The following CNTN5 variants were observed in gnomAD, a reference collection of about 807,000 sequenced individuals.
CNTN5 encodes the protein contactin 5, also known as contactin-5.
A neutral mutation model predicts 129.1 loss-of-function variants in CNTN5; 77 were observed. The ratio of observed to expected loss-of-function variants is 0.60; its 90% CI spans 0.50 to 0.72. The LOEUF (loss-of-function observed/expected upper bound fraction) is 0.72. CNTN5 is among the 30% of genes least tolerant of loss of function. CNTN5 has a pLI of 0.00. For synonymous variants in CNTN5, 509 were observed against 465.6 expected (o/e 1.09, Z -1.20); for missense variants, 1,478 against 1,328.8 (o/e 1.11, Z -1.75).
chr11:99,402,956 T>G (rs1941887213), intron 2 of CNTN5, among the ~76,000 whole-genome samples: 2 of 151,636 alleles, frequency 1.3e-5, no homozygotes, highest in African/African-American at 4.8e-5. Flanking sequence ...TAATCTTTCC[T>G]TTTTTTTTTC....
intron 2 of CNTN5, among the ~76,000 whole-genome samples, chr11:99,395,040 C>T (rs754381037): frequency 5.9e-5 from 9 of 151,750 alleles, no homozygotes; most frequent in South Asian, 2.1e-4. Flanking sequence ...GATTTATATT[C>T]CTTTGGGTAT....
chr11:100,319,143 TTTTTC>T (rs1008114543), intron 21 of CNTN5, among the ~76,000 whole-genome samples: 5 of 150,432 alleles, frequency 3.3e-5, no homozygotes, highest in African/African-American at 7.3e-5. Flanking sequence ...TTCTGTTTTC[TTTTTC>T]TTTTCTTTTT....
At chr11:99,438,361 G>A (rs1943681690) in intron 2 of CNTN5, among the ~76,000 whole-genome samples, 1 of 152,072 alleles carries the variant, frequency 6.6e-6, no homozygotes, top group Non-Finnish European at 1.5e-5. Flanking sequence ...ATGTTCAAGT[G>A]ATGACTATAT....
At chr11:100,061,430 C>A in intron 10 of CNTN5, 37 bp downstream of exon 10, 1 of 1,416,952 alleles carries the variant, frequency 7.1e-7, no homozygotes, top group South Asian at 1.5e-5. Context: ...GCTCTAGTCC[C>A]AAAAGTCAAA....
chr11:100,055,382 G>T (rs1943173268), intron 9 of CNTN5, among the ~76,000 whole-genome samples: 1 of 150,832 alleles, frequency 6.6e-6, no homozygotes, highest in South Asian at 2.1e-4. Context: ...ACTATTATTT[G>T]TGTTTTTTCT....
At chr11:99,918,992 G>T (rs1231103255) in intron 7 of CNTN5, among the ~76,000 whole-genome samples, 1 of 152,138 alleles carries the variant, frequency 6.6e-6, no homozygotes, top group Non-Finnish European at 1.5e-5. Flanking sequence ...GTTCAGCTTA[G>T]ATTGTGCAGT....
chr11:100,031,606 G>A (rs950046365), intron 9 of CNTN5, among the ~76,000 whole-genome samples: 11 of 152,104 alleles, frequency 7.2e-5, no homozygotes, highest in African/African-American at 2.2e-4. Flanking sequence ...CTAGCTTCAC[G>A]TCCTGTTTCT....
At chr11:100,100,586 T>G (rs1945185524) in intron 13 of CNTN5, among the ~76,000 whole-genome samples, 1 of 152,118 alleles carries the variant, frequency 6.6e-6, no homozygotes. Context: ...TGTACCTGGC[T>G]CACAGGAGGT....
At chr11:100,103,002 G>C (rs571457525) in intron 13 of CNTN5, among the ~76,000 whole-genome samples, 1 of 152,098 alleles carries the variant, frequency 6.6e-6, no homozygotes, top group Non-Finnish European at 1.5e-5. Flanking sequence ...CACCTTTCTA[G>C]ATGTCCGTGA....
At chr11:99,703,182 C>G (rs1432142362) in intron 3 of CNTN5, among the ~76,000 whole-genome samples, 1 of 146,144 alleles carries the variant, frequency 6.8e-6, no homozygotes, top group Non-Finnish European at 1.5e-5. Context: ...TTTTAATTTC[C>G]TGAGTGTTTT....
chr11:99,126,468 C>T (rs1476306581), intron 1 of CNTN5, among the ~76,000 whole-genome samples: 1 of 152,138 alleles, frequency 6.6e-6, no homozygotes, highest in Non-Finnish European at 1.5e-5. Context: ...CTCTGTTCAG[C>T]CTTCTCCTGA....
intron 1 of CNTN5, among the ~76,000 whole-genome samples, chr11:99,095,535 C>T (rs1044783419): frequency 1.3e-5 from 2 of 151,596 alleles, no homozygotes; most frequent in African/African-American, 4.8e-5. Flanking sequence ...AGTGGAATGC[C>T]AGCTAAGAAA....
At chr11:100,198,732 C>A (rs941045326) in intron 15 of CNTN5, among the ~76,000 whole-genome samples, 1 of 151,802 alleles carries the variant, frequency 6.6e-6, no homozygotes, top group Non-Finnish European at 1.5e-5. Context: ...TTCTGAATGT[C>A]AGAAGATTGG....
At chr11:100,128,401 T>C (rs1284115111) in intron 13 of CNTN5, among the ~76,000 whole-genome samples, 2 of 152,168 alleles carry the variant, frequency 1.3e-5, no homozygotes, top group Non-Finnish European at 2.9e-5. Flanking sequence ...TATTTCAAGT[T>C]GCATAATGGC....
chr11:99,532,334 G>C (rs953600516), intron 2 of CNTN5, among the ~76,000 whole-genome samples: 1 of 152,122 alleles, frequency 6.6e-6, no homozygotes, highest in Non-Finnish European at 1.5e-5. Context: ...TTGTTTCTAG[G>C]AAGTAACTAA....
chr11:100,344,751 C>T (rs1445000919), intron 23 of CNTN5, among the ~76,000 whole-genome samples: 1 of 151,872 alleles, frequency 6.6e-6, no homozygotes, highest in Non-Finnish European at 1.5e-5. Flanking sequence ...TCATATTACC[C>T]TGAAAATATA....
intron 1 of CNTN5, among the ~76,000 whole-genome samples, chr11:99,247,848 A>G (rs569355103): frequency 6.6e-6 from 1 of 152,186 alleles, no homozygotes; most frequent in East Asian, 1.9e-4. Flanking sequence ...CATTTTCTTA[A>G]TCCAGTCTAT....
chr11:99,814,433 T>C (rs886498459), intron 3 of CNTN5, among the ~76,000 whole-genome samples: 2 of 152,046 alleles, frequency 1.3e-5, no homozygotes, highest in South Asian at 2.1e-4. Context: ...ACCAGGAAAA[T>C]GAAGTAGTGT....
chr11:100,023,135 G>T (rs1316428671), intron 9 of CNTN5, among the ~76,000 whole-genome samples: 2 of 152,140 alleles, frequency 1.3e-5, no homozygotes, highest in South Asian at 2.1e-4. Flanking sequence ...ACATATAATA[G>T]TCTGTTTGAA....
Sources: allele counts gnomAD v4.1 joint callset (sites outside exome capture counted in the v4.1 genomes callset), GRCh38; gene constraint gnomAD v4.1.1; transcripts MANE v1.5; gene names NCBI Gene and HGNC (gene_info 2026-07-23, HGNC 2026-07-21).